SAP130: variants seen among roughly 807,000 people sequenced by gnomAD.
SAP130 encodes the protein histone deacetylase complex subunit SAP130.
Under a neutral mutation model 103.2 loss-of-function variants are expected in SAP130, and 16 were observed. The ratio of observed to expected loss-of-function variants is 0.16; its 90% CI spans 0.10 to 0.24. The LOEUF is 0.24. SAP130 is among the 10% of genes least tolerant of loss of function. SAP130 has a pLI of 1.00. For synonymous variants in SAP130, 477 were observed against 497.0 expected (o/e 0.96, Z 0.53); for missense variants, 990 against 1,359.7 (o/e 0.73, Z 4.28).
intron 2 of SAP130, among the ~76,000 whole-genome samples, chr2:128,023,130 G>A (rs950442888): frequency 2.0e-5 from 3 of 152,058 alleles, no homozygotes; most frequent in Admixed American, 6.6e-5. Flanking sequence ...GATTAGCCGG[G>A]ATTACCGGCA....
chr2:127,985,843 T>C (rs1423174773), intron 14 of SAP130, among the ~76,000 whole-genome samples: 1 of 146,008 alleles, frequency 6.8e-6, no homozygotes, highest in East Asian at 2.0e-4. Flanking sequence ...TGGCTGGACG[T>C]CAAGAGGAAC....
At chr2:127,972,110 G>C (rs1681131082) in intron 15 of SAP130, among the ~76,000 whole-genome samples, 1 of 152,038 alleles carries the variant, frequency 6.6e-6, no homozygotes, top group African/African-American at 2.4e-5. Context: ...AATAAAGCCA[G>C]TCTGAGTGCC....
In SAP130 at chr2:127,942,007, TAG is replaced by T; in HGVS notation, c.3171_3172del (p.Ter1058AspfsTer15). The T allele has an allele frequency of 6.6e-7, 1 of 1,517,642 alleles. No individual in the cohort carries two copies. Among genetic ancestry groups the T allele is most frequent in the Non-Finnish European group, 8.9e-7 (1 of 1,126,350 alleles). 94.0% of individuals were successfully genotyped at this position (1,517,642 alleles called of 1,614,324 possible). ...TCCAATCTCCTGATTGTTCTGGGTC[TAG>T]ACTTTTTCCTTTCGCTTCAATTTGG... On this transcript the variant is annotated frameshift_variant and stop_lost, in exon 21 of 21. Transcript: ENST00000643581. LOFTEE classifies it high-confidence loss of function. This position sits in a 1 kb window ranked among gnomAD's most constrained non-coding sequence, Gnocchi z 4.8.
intron 12 of SAP130, among the ~76,000 whole-genome samples, chr2:127,991,825 C>A (rs1321834283): frequency 6.6e-6 from 1 of 152,180 alleles, no homozygotes; most frequent in African/African-American, 2.4e-5. Context: ...CTTGAAATTT[C>A]TTGAAATTAA....
At chr2:127,998,104 T>C (rs1683296314) in intron 10 of SAP130, among the ~76,000 whole-genome samples, 1 of 144,760 alleles carries the variant, frequency 6.9e-6, no homozygotes. Flanking sequence ...TGAGACTCCA[T>C]CTCAAAAAAA....
chr2:128,010,763 T>G (rs968435915), intron 6 of SAP130, among the ~76,000 whole-genome samples: 2 of 151,136 alleles, frequency 1.3e-5, no homozygotes, highest in Non-Finnish European at 3.0e-5. Flanking sequence ...ACTCAGGAGG[T>G]TGAGGCAGGA....
At chr2:127,965,082 G>T (rs2104830117) in intron 15 of SAP130, among the ~76,000 whole-genome samples, 1 of 151,080 alleles carries the variant, frequency 6.6e-6, no homozygotes, top group South Asian at 2.1e-4. Context: ...AGATCGCGAG[G>T]TCAGGAGATC....
At chr2:128,024,949 C>T (rs1243235380) in intron 2 of SAP130, among the ~76,000 whole-genome samples, 1 of 140,318 alleles carries the variant, frequency 7.1e-6, no homozygotes, top group Non-Finnish European at 1.5e-5. Flanking sequence ...CTGCAGTGAG[C>T]TGTGATTATG....
At chr2:128,022,996 A>ATT (rs113445838) in intron 2 of SAP130, among the ~76,000 whole-genome samples, 2 of 141,786 alleles carry the variant, frequency 1.4e-5, no homozygotes, top group Non-Finnish European at 3.1e-5. Context: ...CACCTGGCTA[A>ATT]TTTTTTTTTT....
chr2:127,960,202 T>C (rs1680141314), intron 15 of SAP130, among the ~76,000 whole-genome samples: 1 of 152,212 alleles, frequency 6.6e-6, no homozygotes, highest in South Asian at 2.1e-4. Context: ...ATTCTGTCCC[T>C]ACTACTGAAG....
chr2:127,952,507 C>G (rs140936601), intron 16 of SAP130, among the ~76,000 whole-genome samples: 6 of 150,956 alleles, frequency 4.0e-5, no homozygotes, highest in African/African-American at 1.5e-4. Flanking sequence ...CACCTTTTTT[C>G]TCTTCCTTTA....
intron 7 of SAP130, among the ~76,000 whole-genome samples, chr2:128,004,267 C>T (rs190714117): frequency 2.0e-5 from 3 of 150,772 alleles, no homozygotes; most frequent in South Asian, 4.2e-4. Context: ...TAGGAGACAT[C>T]TGAAATCTCA....
At chr2:128,001,469 T>C (rs1164648047) in intron 7 of SAP130, among the ~76,000 whole-genome samples, 1 of 152,238 alleles carries the variant, frequency 6.6e-6, no homozygotes, top group Non-Finnish European at 1.5e-5. Flanking sequence ...ACTGTGAAGT[T>C]AGTTACTCGG....
chr2:127,974,603 C>T (rs769523004), intron 15 of SAP130, among the ~76,000 whole-genome samples: 1 of 151,986 alleles, frequency 6.6e-6, no homozygotes, highest in African/African-American at 2.4e-5. Context: ...CACCTGAGGT[C>T]GGGAGTTCAA....
Position 127,955,982 on chromosome 2 carries a change from T to C in SAP130, c.2064-638A>G, listed in dbSNP as rs950936661. Among the ~76,000 whole-genome samples the C allele has an allele frequency of 1.2e-4, 18 of 152,212 alleles. No individual in the cohort carries two copies. The highest frequency in any genetic ancestry group is 6.5e-4 in the Admixed American group (10 of 15,280). On this transcript the variant is annotated intron_variant, in intron 15 of 20. Coordinates refer to ENST00000643581, the MANE Select transcript of SAP130 (RefSeq NM_001330301.2). This position sits in a 1 kb window ranked among gnomAD's most constrained non-coding sequence, Gnocchi z 4.9. ...ATTTTCATAATATTAATGTATCTTT[T>C]CTCCCAGAATTCCTTAATATATATG...
intron 3 of SAP130, 88 bp from the exon 4 acceptor site, chr2:128,016,635 C>T: frequency 7.1e-7 from 1 of 1,416,804 alleles, no homozygotes; most frequent in East Asian, 2.4e-5. Context: ...CAAATCGAAC[C>T]TGGAAAGTGC....
chr2:128,018,868 G>A (rs931289141), intron 2 of SAP130, among the ~76,000 whole-genome samples: 6 of 151,908 alleles, frequency 3.9e-5, no homozygotes, highest in Non-Finnish European at 5.9e-5. Context: ...AACCAAGGCA[G>A]GTGGATCATT....
At chr2:127,945,000 G>A (rs1297517243) in intron 19 of SAP130, among the ~76,000 whole-genome samples, 3 of 152,060 alleles carry the variant, frequency 2.0e-5, no homozygotes, top group African/African-American at 7.2e-5. Context: ...AGTAACATTG[G>A]AAATTGGAAT....
intron 12 of SAP130, among the ~76,000 whole-genome samples, chr2:127,990,989 G>A (rs965025170): frequency 1.3e-5 from 2 of 150,492 alleles, no homozygotes; most frequent in Admixed American, 6.6e-5. Context: ...GGTGGCTCAC[G>A]CCTGTGATCC....
Sources: gnomAD v4.1 joint callset for allele counts (sites outside exome capture counted in the v4.1 genomes callset) on GRCh38, gnomAD v4.1.1 for gene constraint, Gnocchi (gnomAD v3.1) non-coding constraint, MANE v1.5 for transcripts, NCBI Gene and HGNC (gene_info 2026-07-23, HGNC 2026-07-21) for gene names.